Variants in CEP63 observed in about 807,000 individuals in gnomAD.
The protein encoded by CEP63 is centrosomal protein of 63 kDa.
CEP63 carries 84 observed loss-of-function variants against 89.1 expected under a neutral mutation model. The observed-to-expected ratio is 0.94, with a 90% CI of 0.79 to 1.13. The LOEUF (loss-of-function observed/expected upper bound fraction) is 1.13. Among genes scored for constraint, CEP63 ranks in the 50% most tolerant of loss-of-function variants. The probability of loss-of-function intolerance (pLI) is 0.00; values close to 1 mark genes in which losing one functional copy is unlikely to be tolerated. For missense variants in CEP63, 838 were observed against 813.3 expected (o/e 1.03, Z -0.37); for synonymous variants, 267 against 272.5 (o/e 0.98, Z 0.20).
intron 10 of CEP63, among the ~76,000 whole-genome samples, chr3:134,584,679 G>T (rs1958439891): frequency 6.6e-6 from 1 of 152,172 alleles, no homozygotes; most frequent in Non-Finnish European, 1.5e-5. Flanking sequence ...GTATCAGGAT[G>T]ATGCTGGCCT....
At chr3:134,522,684 C>T (rs1044232022) in intron 3 of CEP63, among the ~76,000 whole-genome samples, 1 of 152,052 alleles carries the variant, frequency 6.6e-6, no homozygotes, top group Non-Finnish European at 1.5e-5. Context: ...CATCACTTAG[C>T]TCCCATTTAT....
chr3:134,567,342 G>A (rs1043741658), downstream of CEP63, among the ~76,000 whole-genome samples: 2 of 151,434 alleles, frequency 1.3e-5, no homozygotes, highest in African/African-American at 4.9e-5. Context: ...TTTTTGAGAT[G>A]AAAATGTTCT....
the CEP63 span, chr3:134,650,844 C>G: frequency 6.1e-5 from 98 of 1,605,016 alleles, no homozygotes; most frequent in Middle Eastern, 5.0e-4. Context: ...GCTGCAGCAG[C>G]GAGCTCGGGT....
At chr3:134,546,342 A>AGTG in intron 8 of CEP63, 54 bp downstream of exon 8, 1 of 1,437,914 alleles carries the variant, frequency 7.0e-7, no homozygotes, top group Non-Finnish European at 9.6e-7. Flanking sequence ...CTAGGTATTA[A>AGTG]GCACTAGGCT....
At chr3:134,581,869 G>T (rs1196399228) in intron 10 of CEP63, among the ~76,000 whole-genome samples, 1 of 151,118 alleles carries the variant, frequency 6.6e-6, no homozygotes, top group Non-Finnish European at 1.5e-5. Flanking sequence ...TAGAGACGGG[G>T]TTTCACCGTG....
At chr3:134,686,587 G>A in the CEP63 span, among the ~76,000 whole-genome samples, 7 of 152,186 alleles carry the variant, frequency 4.6e-5, no homozygotes, top group Non-Finnish European at 7.3e-5. Context: ...TGTCCACAGC[G>A]GACATAAGCT....
the CEP63 span, among the ~76,000 whole-genome samples, chr3:134,692,647 TG>T: frequency 1.3e-5 from 2 of 152,204 alleles, no homozygotes; most frequent in South Asian, 4.1e-4. Context: ...ACAGGTCCCC[TG>T]AAAGTCTCTT....
chr3:134,759,016 T>C, the CEP63 span, among the ~76,000 whole-genome samples: 1 of 152,150 alleles, frequency 6.6e-6, no homozygotes, highest in Admixed American at 6.5e-5. Context: ...GATGCTAACT[T>C]GCTGGCTTTG....
At chr3:134,765,345 A>C in the CEP63 span, among the ~76,000 whole-genome samples, 1 of 152,182 alleles carries the variant, frequency 6.6e-6, no homozygotes. Context: ...AAACAGATGG[A>C]CTTGATTGCT....
chr3:134,510,718 T>G, intron 3 of CEP63: 1 of 517,282 alleles, frequency 1.9e-6, no homozygotes, highest in Non-Finnish European at 3.7e-6. Context: ...ACCATCTGTA[T>G]CTGCAGGGAG....
At chr3:134,731,918 T>C in the CEP63 span, among the ~76,000 whole-genome samples, 2 of 152,136 alleles carry the variant, frequency 1.3e-5, no homozygotes, top group Admixed American at 1.3e-4. Flanking sequence ...TGGAACATAG[T>C]AGTTCATAGC....
At chr3:134,718,244 A>G in the CEP63 span, among the ~76,000 whole-genome samples, 3 of 152,216 alleles carry the variant, frequency 2.0e-5, no homozygotes. Context: ...TCTCCTGGTT[A>G]TTAAAGTAGG....
At chr3:134,520,784 C>G (rs1947271628) in intron 3 of CEP63, among the ~76,000 whole-genome samples, 1 of 152,102 alleles carries the variant, frequency 6.6e-6, no homozygotes, top group Admixed American at 6.5e-5. Flanking sequence ...GGTGGGGAGT[C>G]TTTTCAATAC....
chr3:134,649,234 T>C, the CEP63 span, among the ~76,000 whole-genome samples: 61 of 152,220 alleles, frequency 4.0e-4, no homozygotes, highest in African/African-American at 1.4e-3. Context: ...GGTCTTTTTT[T>C]CTCTGTCATA....
rs760715334 is a variant in CEP63, at chr3:134,549,117, T to C, written c.1123T>C (p.Tyr375His). The C allele has an allele frequency of 4.3e-6, 7 of 1,613,588 alleles. No individual in the cohort carries two copies. Among genetic ancestry groups the C allele is most frequent in the Non-Finnish European group, 5.9e-6 (7 of 1,179,710 alleles). The change falls in exon 10 of 15, where the codon TAT (tyrosine) becomes CAT (histidine). Residue 375 changes from tyrosine (Y) to histidine (H), a missense_variant. Coordinates refer to ENST00000675561, the MANE Select transcript of CEP63 (RefSeq NM_001353108.3). Reference protein sequence around the residue: ...KQLSQELMEKYEELKRMEAHN... With the variant: ...KQLSQELMEKHEELKRMEAHN... Reference sequence around the variant, plus strand: ...GCTGAGCCAAGAACTAATGGAAAAATATGAAGAACTGAAGAGGATGGAAGC... The same window carrying C: ...GCTGAGCCAAGAACTAATGGAAAAACATGAAGAACTGAAGAGGATGGAAGC...
chr3:134,781,914 C>T, the CEP63 span, among the ~76,000 whole-genome samples: 1 of 152,116 alleles, frequency 6.6e-6, no homozygotes, highest in African/African-American at 2.4e-5. Context: ...TAGCTCAAAC[C>T]AGCAGTGAAA....
chr3:134,740,936 T>A, the CEP63 span, among the ~76,000 whole-genome samples: 1 of 152,170 alleles, frequency 6.6e-6, no homozygotes, highest in Admixed American at 6.5e-5. Context: ...TTTCATCTTG[T>A]TTCTTGGTGC....
At chr3:134,775,950 C>T in the CEP63 span, among the ~76,000 whole-genome samples, 1 of 152,208 alleles carries the variant, frequency 6.6e-6, no homozygotes, top group Non-Finnish European at 1.5e-5. Context: ...CAGGTCTACA[C>T]ACTGAACACT....
the CEP63 span, among the ~76,000 whole-genome samples, chr3:134,622,842 C>T: frequency 1.3e-5 from 2 of 152,250 alleles, no homozygotes; most frequent in Non-Finnish European, 2.9e-5. Flanking sequence ...CCCCTCAGCT[C>T]CCAGCTTGAG....
Sources: gnomAD v4.1 joint callset for allele counts (sites outside exome capture counted in the v4.1 genomes callset) on GRCh38, gnomAD v4.1.1 for gene constraint, MANE v1.5 for transcripts, NCBI Gene and HGNC (gene_info 2026-07-23, HGNC 2026-07-21) for gene names.